The following TCF3 variants were observed in gnomAD, a reference collection of about 807,000 sequenced individuals.
TCF3 encodes the protein transcription factor E2-alpha.
In TCF3, 54 loss-of-function variants were observed where a neutral mutation model predicts 72.3. That is an observed-to-expected ratio of 0.75 (90% CI 0.60 to 0.94). The LOEUF (loss-of-function observed/expected upper bound fraction) is 0.94. TCF3 is among the 40% of genes least tolerant of loss of function. The pLI is 0.00. For missense variants in TCF3, 1,078 were observed against 934.4 expected (o/e 1.15, Z -2.00); for synonymous variants, 525 against 412.6 (o/e 1.27, Z -3.30).
chr19:1,625,433 G>T (rs1003019764), intron 7 of TCF3, 143 bp downstream of exon 7: 1 of 1,129,848 alleles, frequency 8.9e-7, no homozygotes. Context: ...TCCCTCCCAC[G>T]GCCCGAGCGC....
At chr19:1,620,892 T>G in intron 13 of TCF3, 76 bp downstream of exon 13, 1 of 1,309,644 alleles carries the variant, frequency 7.6e-7, no homozygotes, top group African/African-American at 1.6e-5. Context: ...CCGCAAAGCC[T>G]TCACAGACCT....
At chr19:1,644,816 C>T (rs971099873) in intron 3 of TCF3, among the ~76,000 whole-genome samples, 36 of 152,052 alleles carry the variant, frequency 2.4e-4, no homozygotes, top group African/African-American at 8.2e-4. Flanking sequence ...CCCACCCTCC[C>T]CACCAGGCCC....
intron 5 of TCF3, 62 bp from the exon 6 acceptor site, chr19:1,627,488 AGTGCCT>A: frequency 6.7e-7 from 1 of 1,496,984 alleles, no homozygotes; most frequent in Non-Finnish European, 9.2e-7. Context: ...AGGGCCCCCG[AGTGCCT>A]GCCATGTGCC....
rs560438789 is a variant in TCF3, at chr19:1,635,847, C to T, written c.146-3442G>A. 9.2e-5 allele frequency among the ~76,000 whole-genome samples: 14 copies of T among 152,360 alleles called. No individual in the cohort carries two copies. The East Asian group carries it at 1.5e-3, about 17-fold the overall frequency. The stretch of plus-strand genomic sequence containing the variant: ...CCACCACCAAATACCACGGTCACGT[C>T]TAAAAACCAATTAACACCTCGACAG... On this transcript the variant is annotated intron_variant, in intron 3 of 18. Coordinates refer to ENST00000262965, the MANE Select transcript of TCF3 (RefSeq NM_003200.5).
Position 1,621,935 on chromosome 19 carries a change from C to A in TCF3, c.858G>T (p.Gly286=), listed in dbSNP as rs762297142. Residue 286 remains glycine (G), a synonymous_variant, in exon 11 of 19, where the codon GGG becomes GGT. Coordinates refer to ENST00000262965, the MANE Select transcript of TCF3 (RefSeq NM_003200.5). The stretch of plus-strand genomic sequence containing the variant: ...AGGAGAAGGAGGATGCAGATGGGAG[C>A]CCACCGTTCACCTCTGCTCCATGCA... ...YQLHGAEVNG[G]LPSASSFSSA... is the part of the protein sequence containing the mutation. 1.2e-6 allele frequency: 2 copies of A among 1,605,546 alleles called. No homozygotes were observed. The highest frequency in any genetic ancestry group is 3.4e-5 in the Admixed American group (2 of 58,968).
chr19:1,619,212 T>C lies in TCF3; in HGVS notation c.1349A>G (p.Asp450Gly). 1 of 1,597,860 alleles carries C rather than the reference T, an allele frequency of 6.3e-7. No homozygotes were observed. ...GAGGCTGGTGCTGCCTGCGAGGCCG[T>C]CCTCGGGGTGGCTGCCTCCAACCTG... ...AGLVGGSHPE[D>G]GLAGSTSLMH... The change falls in exon 16 of 19, where the codon GAC (aspartate) becomes GGC (glycine). Residue 450 changes from aspartate (D) to glycine (G), a missense_variant. By Grantham distance (94) the Asp-to-Gly change is moderately conservative. Coordinates refer to ENST00000262965, the MANE Select transcript of TCF3 (RefSeq NM_003200.5).
chr19:1,613,985 AG>A (rs942035917), intron 18 of TCF3, among the ~76,000 whole-genome samples: 1 of 152,252 alleles, frequency 6.6e-6, no homozygotes, highest in African/African-American at 2.4e-5. Flanking sequence ...CTGCTGCCGC[AG>A]GGGTGCGGGT....
intron 3 of TCF3, among the ~76,000 whole-genome samples, chr19:1,636,925 T>C (rs1410436378): frequency 6.6e-6 from 1 of 152,170 alleles, no homozygotes; most frequent in Non-Finnish European, 1.5e-5. Context: ...CTGAAGAGAA[T>C]GTGAGTGGAG....
At chr19:1,623,150 T>C (rs190599912) in intron 8 of TCF3, among the ~76,000 whole-genome samples, 195 of 150,670 alleles carry the variant, frequency 1.3e-3, no homozygotes, top group African/African-American at 4.5e-3. Flanking sequence ...GCTGGAGGGG[T>C]GAGGAGATGT....
In TCF3 at chr19:1,611,776, G is replaced by T. The variant is rs753495128; in HGVS notation, c.1896C>A (p.Asp632Glu). 1.2e-6 allele frequency: 2 copies of T among 1,613,708 alleles called. No homozygotes were observed. The highest frequency in any genetic ancestry group is 1.7e-6 in the Non-Finnish European group (2 of 1,179,960). The stretch of plus-strand genomic sequence containing the variant: ...GGGGAGCTGAAAGCACCATCTGGGG[G>T]TCTCCAACCACACCTGACACCTTTT... ...EEEKVSGVVG[D>E]PQMVLSAPHP... is the part of the protein sequence containing the mutation. The change falls in exon 19 of 19, where the codon GAC (aspartate) becomes GAA (glutamate). Residue 632 changes from aspartate to glutamate, a missense_variant. Physicochemically the swap from Asp to Glu is conservative, Grantham distance 45. Transcript: ENST00000262965.
intron 18 of TCF3, chr19:1,612,078 G>T: frequency 1.0e-6 from 1 of 988,762 alleles, no homozygotes; most frequent in Non-Finnish European, 1.5e-6. Flanking sequence ...ACATCACTGG[G>T]TCTGAGTCCA....
rs769721093 is a variant in TCF3 at position 1,619,128 on chromosome 19, G to A, written c.1433C>T (p.Pro478Leu). The change falls in exon 16 of 19, where the codon CCT becomes CTT. Residue 478 changes from proline to leucine, a missense_variant. By Grantham distance (98) the Pro-to-Leu change is moderately conservative. Transcript: ENST00000262965. The part of the protein sequence containing the change: ...QPGTLPDLSR[P>L]PDSYSGLGRA... ...GGGCTTACCACTGTAGGAGTCGGGA[G>A]GCCGAGACAGGTCAGGGAGGGTGCC... 1.9e-6 allele frequency: 3 copies of A among 1,599,746 alleles called. No individual in the cohort carries two copies. The highest frequency in any genetic ancestry group is 2.5e-6 in the Non-Finnish European group (3 of 1,179,748).
chr19:1,609,540 G>T lies in TCF3; in HGVS notation c.*2167C>A. ...TTCCTCCTCGCGCTGGGTGAATCTCGTTTGAATTCTATGCAGAACGCACAG... is the reference window on the plus strand; with the variant it reads ...TTCCTCCTCGCGCTGGGTGAATCTCTTTTGAATTCTATGCAGAACGCACAG... On this transcript the variant is annotated 3_prime_UTR_variant, in exon 19 of 19. Transcript: ENST00000262965. The T allele has an allele frequency of 4.5e-6, 1 of 220,684 alleles. No homozygotes were observed. The highest frequency in any genetic ancestry group is 9.0e-6 in the Non-Finnish European group (1 of 110,550). The allele number at this position is 220,684 out of a possible 1,614,324, so 13.7% of individuals were successfully genotyped here.
intron 3 of TCF3, among the ~76,000 whole-genome samples, chr19:1,635,889 C>T (rs1599883406): frequency 2.0e-5 from 3 of 152,316 alleles, no homozygotes; most frequent in East Asian, 3.9e-4. Context: ...ACGCAGGTTC[C>T]GTTTACTCGG....
chr19:1,621,707 T>A (rs1196225528), intron 11 of TCF3, 131 bp downstream of exon 11: 2 of 1,257,850 alleles, frequency 1.6e-6, no homozygotes, highest in Admixed American at 5.8e-5. Context: ...CAATGAGAAC[T>A]GACAACAACC....
At position 1,615,696 on chromosome 19, in the gene TCF3, C is replaced by A. The variant is rs1433307577; in HGVS notation, c.1576G>T (p.Ala526Ser). 1.2e-6 allele frequency: 2 copies of A among 1,613,322 alleles called. No homozygotes were observed. The highest frequency in any genetic ancestry group is 1.7e-6 in the Non-Finnish European group (2 of 1,179,588). The change falls in exon 17 of 19, where the codon GCC (alanine) becomes TCC (serine). Residue 526 changes from alanine to serine, a missense_variant. Ala to Ser is a moderately conservative substitution (Grantham distance 99). Transcript: ENST00000262965. The surrounding 1 kb of genome is among the most constrained non-coding windows in gnomAD (Gnocchi z 7.3). ...EEKKELKAPR[A>S]RTSPDEDEDD... ...GGGGTGGGTTGGCACCTGGTCCGGG[C>A]CCGGGGGGCCTTCAGCTCCTTCTTC...
At chr19:1,629,879 G>A (rs2059430602) in intron 5 of TCF3, among the ~76,000 whole-genome samples, 1 of 152,174 alleles carries the variant, frequency 6.6e-6, no homozygotes, top group African/African-American at 2.4e-5. Context: ...TCCTCATCTT[G>A]GTGACCCGGG....
At chr19:1,636,644 G>T (rs757002597) in intron 3 of TCF3, among the ~76,000 whole-genome samples, 23 of 152,148 alleles carry the variant, frequency 1.5e-4, no homozygotes, top group Non-Finnish European at 3.2e-4. Context: ...GGATGCCCTC[G>T]GCCCAGCTCG....
chr19:1,631,057 C>T (rs929218012), intron 5 of TCF3, among the ~76,000 whole-genome samples: 1 of 152,220 alleles, frequency 6.6e-6, no homozygotes, highest in Admixed American at 6.5e-5. Flanking sequence ...CACGGGTGAG[C>T]CTGCAGCGGG....
Sources: allele counts gnomAD v4.1 joint callset (sites outside exome capture counted in the v4.1 genomes callset), GRCh38; gene constraint gnomAD v4.1.1; non-coding constraint Gnocchi (gnomAD v3.1); transcripts MANE v1.5; gene names NCBI Gene and HGNC (gene_info 2026-07-23, HGNC 2026-07-21).